The following CD86 variants were observed in gnomAD, a reference collection of about 807,000 sequenced individuals.
CD86 encodes the protein CD86 molecule.
Under a neutral mutation model 32.1 loss-of-function variants are expected in CD86, and 11 were observed. The observed-to-expected ratio is 0.34, with a 90% confidence interval of 0.22 to 0.57. The LOEUF (loss-of-function observed/expected upper bound fraction) is 0.57. Ranked by LOEUF, CD86 falls within the 20% of genes least tolerant of loss-of-function variation. The pLI is 0.86. For synonymous variants in CD86, 137 were observed against 135.3 expected (o/e 1.01, Z -0.09); for missense variants, 359 against 398.4 (o/e 0.90, Z 0.84).
chr3:122,110,392 G>C (rs2073154844), intron 5 of CD86, among the ~76,000 whole-genome samples: 1 of 152,098 alleles, frequency 6.6e-6, no homozygotes, highest in Admixed American at 6.5e-5. Context: ...AGCTAAGATT[G>C]GACTTTATCT....
At chr3:122,080,324 T>C (rs1323225258) in intron 1 of CD86, among the ~76,000 whole-genome samples, 2 of 152,118 alleles carry the variant, frequency 1.3e-5, no homozygotes, top group African/African-American at 4.8e-5. Flanking sequence ...AATTCATCAA[T>C]AGTTTGAAAT....
At chr3:122,094,798 A>G (rs949726427) in intron 2 of CD86, among the ~76,000 whole-genome samples, 8 of 152,210 alleles carry the variant, frequency 5.3e-5, no homozygotes, top group Admixed American at 4.6e-4. Context: ...GCTCTTGAGG[A>G]TAAAATTGGA....
At chr3:122,108,035 T>C (rs1025971099) in intron 4 of CD86, among the ~76,000 whole-genome samples, 1 of 152,232 alleles carries the variant, frequency 6.6e-6, no homozygotes, top group Non-Finnish European at 1.5e-5. Context: ...AAGATGGCCA[T>C]ATATGACATG....
chr3:122,061,797 A>G (rs2072340221), intron 1 of CD86, among the ~76,000 whole-genome samples: 1 of 152,222 alleles, frequency 6.6e-6, no homozygotes, highest in Admixed American at 6.5e-5. Flanking sequence ...TTCTTATAAA[A>G]CCAAACATGC....
At chr3:122,107,737 ACCT>A (rs770870672) in intron 4 of CD86, among the ~76,000 whole-genome samples, 17 of 151,700 alleles carry the variant, frequency 1.1e-4, no homozygotes, top group Non-Finnish European at 2.4e-4. Context: ...TGGCTTTGTC[ACCT>A]CCTTTCTCCC....
At chr3:122,095,474 T>G (rs2072893303) in intron 2 of CD86, among the ~76,000 whole-genome samples, 1 of 152,170 alleles carries the variant, frequency 6.6e-6, no homozygotes, top group African/African-American at 2.4e-5. Context: ...CATGAGCCAC[T>G]GCGCCCGGCC....
intron 2 of CD86, 42 bp from the exon 3 acceptor site, chr3:122,103,470 C>T (rs780604915): frequency 7.3e-7 from 1 of 1,362,320 alleles, no homozygotes; most frequent in Non-Finnish European, 1.0e-6. Flanking sequence ...TTTCCCCTTT[C>T]CTCTTGTTTC....
intron 1 of CD86, among the ~76,000 whole-genome samples, chr3:122,059,034 T>C (rs1291153880): frequency 6.6e-6 from 1 of 152,088 alleles, no homozygotes; most frequent in East Asian, 1.9e-4. Context: ...CAGAGTGGGT[T>C]TGCGCCAGGC....
At chr3:122,077,373 T>C (rs2072569027) in intron 1 of CD86, among the ~76,000 whole-genome samples, 1 of 152,186 alleles carries the variant, frequency 6.6e-6, no homozygotes, top group African/African-American at 2.4e-5. Context: ...AGAAACATTC[T>C]AGATTCATAC....
At chr3:122,092,471 A>G (rs2072840366) in intron 2 of CD86, among the ~76,000 whole-genome samples, 1 of 152,016 alleles carries the variant, frequency 6.6e-6, no homozygotes, top group African/African-American at 2.4e-5. Context: ...TTGTATTTGA[A>G]TTCTACATTC....
chr3:122,108,638 G>C (rs1295205414), intron 4 of CD86, among the ~76,000 whole-genome samples: 1 of 152,162 alleles, frequency 6.6e-6, no homozygotes, highest in Non-Finnish European at 1.5e-5. Context: ...TAAGGAAGTA[G>C]TTCCTGAAGG....
chr3:122,084,047 C>T (rs1224253790), intron 1 of CD86, among the ~76,000 whole-genome samples: 1 of 152,084 alleles, frequency 6.6e-6, no homozygotes, highest in Non-Finnish European at 1.5e-5. Context: ...AGTGCAGTGG[C>T]GAGATCTCTG....
chr3:122,084,896 A>C (rs142740156), intron 1 of CD86, among the ~76,000 whole-genome samples: 2 of 152,312 alleles, frequency 1.3e-5, no homozygotes, highest in South Asian at 4.1e-4. Context: ...TTTTTAATCT[A>C]TTATATCATT....
At chr3:122,083,228 A>C (rs1484653234) in intron 1 of CD86, among the ~76,000 whole-genome samples, 1 of 152,154 alleles carries the variant, frequency 6.6e-6, no homozygotes, top group Non-Finnish European at 1.5e-5. Context: ...TCAAAATGCA[A>C]ATCTGATGAT....
At chr3:122,055,882 G>GA (rs2072226272) in intron 1 of CD86, among the ~76,000 whole-genome samples, 1 of 152,084 alleles carries the variant, frequency 6.6e-6, no homozygotes, top group Non-Finnish European at 1.5e-5. Flanking sequence ...GGAGGAATGA[G>GA]ATAGAGAAGG....
intron 1 of CD86, among the ~76,000 whole-genome samples, chr3:122,075,932 G>A (rs550343204): frequency 1.4e-4 from 21 of 152,262 alleles, no homozygotes; most frequent in South Asian, 8.3e-4. Flanking sequence ...TTATTTAACC[G>A]TCATGACATG....
intron 5 of CD86, among the ~76,000 whole-genome samples, chr3:122,109,732 A>G (rs1281522773): frequency 6.6e-6 from 1 of 152,192 alleles, no homozygotes; most frequent in Non-Finnish European, 1.5e-5. Flanking sequence ...AAAATGGTGA[A>G]ACCACTCCTA....
At chr3:122,071,050 C>A (rs891691942) in intron 1 of CD86, among the ~76,000 whole-genome samples, 1 of 152,126 alleles carries the variant, frequency 6.6e-6, no homozygotes, top group African/African-American at 2.4e-5. Context: ...CTTTGTGGAA[C>A]ACAATTTCCC....
chr3:122,105,895 C>T (rs1434553301), intron 3 of CD86, among the ~76,000 whole-genome samples: 58 of 152,110 alleles, frequency 3.8e-4, no homozygotes. Flanking sequence ...AGACTCTACT[C>T]CCTGGAAACA....
Sources: allele counts gnomAD v4.1 joint callset (sites outside exome capture counted in the v4.1 genomes callset), GRCh38; gene constraint gnomAD v4.1.1; transcripts MANE v1.5; gene names NCBI Gene and HGNC (gene_info 2026-07-23, HGNC 2026-07-21).